Variants in HPS1 observed in about 807,000 individuals in gnomAD.
The protein encoded by HPS1 is HPS1 biogenesis of lysosomal organelles complex 3 subunit 1.
HPS1 carries 59 observed loss-of-function variants against 90.6 expected under a neutral mutation model. The observed-to-expected ratio is 0.65, with a 90% CI of 0.53 to 0.81. The LOEUF (loss-of-function observed/expected upper bound fraction) is 0.81. HPS1 is among the 30% of genes least tolerant of loss of function. The pLI, the probability that HPS1 is intolerant of heterozygous loss-of-function variation, is 0.00. For missense variants in HPS1, 849 were observed against 896.7 expected, an observed-to-expected ratio of 0.95 and a Z score of 0.68; for synonymous variants, 388 against 384.4, an observed-to-expected ratio of 1.01 and a Z score of -0.11.
At chr10:98,423,999 C>A in intron 14 of HPS1, 112 bp from the exon 15 acceptor site, 2 of 1,436,966 alleles carry the variant, frequency 1.4e-6, no homozygotes, top group Admixed American at 3.5e-5. Context: ...GGAGCCCTTC[C>A]CCCTTGTGGA....
chr10:98,419,772 TG>T (rs1330708553), intron 18 of HPS1, among the ~76,000 whole-genome samples: 1 of 152,204 alleles, frequency 6.6e-6, no homozygotes, highest in East Asian at 1.9e-4. Flanking sequence ...TTTCTCACAG[TG>T]GGGCATGTGC....
rs538882355 is a variant in HPS1, at chr10:98,445,856, G to C, written c.-105-452C>G. Among the ~76,000 whole-genome samples the C allele has an allele frequency of 9.1e-4, 138 of 152,298 alleles. 1 individual carries two copies. Among genetic ancestry groups the C allele is most frequent in the Admixed American group, 1.5e-3 (23 of 15,302 alleles). On this transcript the variant is annotated intron_variant, in intron 1 of 19. Transcript: ENST00000361490. This position sits in a 1 kb window ranked among gnomAD's most constrained non-coding sequence, Gnocchi z 4.5. ...CATCTGGGACCAGGTTCTAGTTTTG[G>C]CTTTGCCAAGTCCCATAAACCTCTC...
At chr10:98,443,267 C>G (rs139915188) in intron 2 of HPS1, 27 bp from the exon 3 acceptor site, 1 of 1,545,592 alleles carries the variant, frequency 6.5e-7, no homozygotes, top group Non-Finnish European at 8.9e-7. Flanking sequence ...AGGTCAAGGT[C>G]AGCCTCCAGC....
rs547405843 is a variant in HPS1, at chr10:98,434,070, C to T, written c.420G>A (p.Ala140=). The T allele has an allele frequency of 9.7e-6, 15 of 1,550,858 alleles. No homozygotes were observed. Among genetic ancestry groups the T allele is most frequent in the South Asian group, 5.9e-5 (5 of 84,068 alleles). The change falls in exon 6 of 20, where the codon GCG becomes GCA. Residue 140 remains alanine, a synonymous_variant. Coordinates refer to ENST00000361490, the MANE Select transcript of HPS1 (RefSeq NM_000195.5). ...IRKELRPPDL[A]QRVQLWEHFQ... ...AGTGCTCCCACAGCTGGACACGCTG[C>T]GCCAGGTCTGGGGGCCGCAGCCTGG...
At chr10:98,434,145 C>T (rs1164589572) in intron 5 of HPS1, 54 bp from the exon 6 acceptor site, 3 of 1,511,450 alleles carry the variant, frequency 2.0e-6, no homozygotes, top group South Asian at 1.2e-5. Context: ...TGGTCTCCCC[C>T]ACACCCAACC....
Position 98,429,840 on chromosome 10 carries a change from G to A in HPS1, c.818C>T (p.Ala273Val). ...RSSQNIPVQQ[A>V]WSPHSTGPTG... ...TGGGCCCGTGGAGTGAGGGCTCCAG[G>A]CCTGCTGCACGGGGATGTTCTGGCT... Residue 273 changes from alanine to valine, a missense_variant, in exon 9 of 20, where the codon GCC becomes GTC. By Grantham distance (64) the Ala-to-Val change is moderately conservative. Coordinates refer to ENST00000361490, the MANE Select transcript of HPS1 (RefSeq NM_000195.5). 6.2e-7 allele frequency: 1 copy of A among 1,613,586 alleles called. No individual in the cohort carries two copies. Among genetic ancestry groups the A allele is most frequent in the South Asian group, 1.1e-5 (1 of 91,086 alleles).
chr10:98,429,300 G>A lies in HPS1; in HGVS notation c.937+273C>T, dbSNP rs144353405. ...TTAATTTTAATTACAAAAAAGATGA[G>A]TCTGAGAATGCATGTACAGAAGTTT... On this transcript the variant is annotated intron_variant, in intron 10 of 19. Transcript: ENST00000361490. The A allele has an allele frequency of 5.0e-4, 691 of 1,372,910 alleles. 4 individuals carry two copies. In the African/African-American group the frequency reaches 8.9e-3, roughly 18 times the overall value. 85.0% of individuals were successfully genotyped at this position (1,372,910 alleles called of 1,614,324 possible).
Position 98,445,740 on chromosome 10 carries a change from A to G in HPS1, c.-105-336T>C, listed in dbSNP as rs912064500. 8.5e-5 allele frequency among the ~76,000 whole-genome samples: 13 copies of G among 152,186 alleles called. No homozygotes were observed. Among genetic ancestry groups the G allele is most frequent in the African/African-American group, 3.1e-4 (13 of 41,442 alleles). On this transcript the variant is annotated intron_variant, in intron 1 of 19. Transcript: ENST00000361490. The surrounding 1 kb of genome is among the most constrained non-coding windows in gnomAD (Gnocchi z 4.5). ...AGGAGTGACTGACGGGAGACAGCAT[A>G]GCACATCCCAGGTGGTGAGGATGCA... is the stretch of plus-strand genomic sequence containing the variant.
Position 98,423,781 on chromosome 10 carries a change from G to A in HPS1, c.1504C>T (p.Leu502=). ...ATGAGCCTCTGCACTTGGTCCTGCA[G>A]GTGCTGGGGCAGGTGTGGGCCTCCC... ...SRGGPHLPQH[L]QDQVQRLMRE... The change falls in exon 15 of 20, where the codon CTG becomes TTG. Residue 502 remains leucine (L), a synonymous_variant. Coordinates refer to ENST00000361490, the MANE Select transcript of HPS1 (RefSeq NM_000195.5). 6.2e-7 allele frequency: 1 copy of A among 1,614,080 alleles called. No homozygotes were observed. The highest frequency in any genetic ancestry group is 8.5e-7 in the Non-Finnish European group (1 of 1,180,036).
rs114969897 is a variant in HPS1 at position 98,438,877 on chromosome 10, A to G, written c.118-3105T>C. Among the ~76,000 whole-genome samples the G allele has an allele frequency of 6.1e-3, 935 of 152,300 alleles. 15 individuals are homozygous for G. The highest frequency in any genetic ancestry group is 0.021 in the African/African-American group (889 of 41,578). ...CACAGGCCTGGAGGCCTAGGAAGAA[A>G]AAACTGTTTCAGGGGTTGGGCCCAG... On this transcript the variant is annotated intron_variant, in intron 3 of 19. Transcript: ENST00000361490.
chr10:98,414,915 T>C, downstream of HPS1: 1 of 1,524,688 alleles, frequency 6.6e-7, no homozygotes, highest in Non-Finnish European at 8.9e-7. Context: ...GAGAGAGCAG[T>C]GGGGCTTGGC....
At chr10:98,429,922 C>G (rs1417679061) in intron 8 of HPS1, 33 bp from the exon 9 acceptor site, 2 of 1,579,546 alleles carry the variant, frequency 1.3e-6, no homozygotes, top group Non-Finnish European at 1.7e-6. Flanking sequence ...TGGTTAGCTC[C>G]TATCTGACCT....
chr10:98,436,457 A>T (rs1847336967), intron 3 of HPS1, among the ~76,000 whole-genome samples: 1 of 152,242 alleles, frequency 6.6e-6, no homozygotes, highest in African/African-American at 2.4e-5. Flanking sequence ...TTACTTCTGG[A>T]TAGAGGAATT....
downstream of HPS1, chr10:98,414,239 T>G (rs942015012): frequency 4.6e-5 from 7 of 152,168 alleles, no homozygotes; most frequent in Non-Finnish European, 1.0e-4. Context: ...CCGTCTGCTT[T>G]CGGTCCCGTC....
rs145929763 is a variant in HPS1 at position 98,425,871 on chromosome 10, T to C, written c.1102A>G (p.Thr368Ala). 1.2e-6 allele frequency: 2 copies of C among 1,613,972 alleles called. No homozygotes were observed. The highest frequency in any genetic ancestry group is 2.7e-5 in the African/African-American group (2 of 74,920). ...KESYCPLVPH[T>A]MYCLPLWQGI... ...TGCCACAGGGGCAGGCAGTACATGG[T>C]GTGGGGCACTAGGGGGCAGTAGCTT... is the stretch of plus-strand genomic sequence containing the variant. Residue 368 changes from threonine (T) to alanine (A), a missense_variant, in exon 12 of 20, where the codon ACC becomes GCC. Transcript: ENST00000361490.
chr10:98,441,670 G>T (rs988832674), intron 3 of HPS1, among the ~76,000 whole-genome samples: 6 of 152,072 alleles, frequency 3.9e-5, no homozygotes, highest in Admixed American at 6.5e-5. Context: ...GTAAGAATAA[G>T]AAGAAGAAAC....
rs1844365699 is a variant in HPS1 at position 98,418,206 on chromosome 10, G to A, written c.1909C>T (p.Pro637Ser). 5.0e-6 allele frequency: 8 copies of A among 1,610,386 alleles called. No individual in the cohort carries two copies. In the South Asian group the frequency reaches 6.6e-5, roughly 13 times the overall value. ...TAGTCTCCTCCCAGCATGCCGATAG[G>A]CACTGAGTCGTCGGAGAGGACGGGC... ...EVPVLSDDSV[P>S]IGMLGGDYYR... Residue 637 changes from proline to serine, a missense_variant, in exon 19 of 20, where the codon CCT becomes TCT. Coordinates refer to ENST00000361490, the MANE Select transcript of HPS1 (RefSeq NM_000195.5).
intron 17 of HPS1, among the ~76,000 whole-genome samples, chr10:98,420,833 C>T (rs189091010): frequency 8.5e-5 from 13 of 152,356 alleles, no homozygotes; most frequent in African/African-American, 2.2e-4. Flanking sequence ...TGAATCCCCT[C>T]CTCTGCCTGG....
intron 3 of HPS1, among the ~76,000 whole-genome samples, chr10:98,439,180 T>C (rs1937949861): frequency 6.6e-6 from 1 of 152,000 alleles, no homozygotes; most frequent in South Asian, 2.1e-4. Context: ...CTAGAGTGAT[T>C]AAGGGAATGT....
Sources: gnomAD v4.1 joint callset for allele counts (sites outside exome capture counted in the v4.1 genomes callset) on GRCh38, gnomAD v4.1.1 for gene constraint, Gnocchi (gnomAD v3.1) non-coding constraint, MANE v1.5 for transcripts, NCBI Gene and HGNC (gene_info 2026-07-23, HGNC 2026-07-21) for gene names.